The following LPIN1 variants were observed in gnomAD, a reference collection of about 807,000 sequenced individuals.
The protein encoded by LPIN1 is lipin 1, also known as phosphatidate phosphatase LPIN1.
In LPIN1, 71 loss-of-function variants were observed where a neutral mutation model predicts 107.5. The observed-to-expected ratio is 0.66, with a 90% CI of 0.55 to 0.80. The LOEUF (loss-of-function observed/expected upper bound fraction) is 0.80. Ranked by LOEUF, LPIN1 falls within the 30% of genes least tolerant of loss-of-function variation. The pLI is 0.00. For synonymous variants in LPIN1, 445 were observed against 452.6 expected, an observed-to-expected ratio of 0.98 and a Z score of 0.21; for missense variants, 1,043 against 1,160.6, an observed-to-expected ratio of 0.90 and a Z score of 1.47.
At chr2:11,724,233 T>G, upstream of LPIN1, 1 of 650,012 alleles carries the variant, frequency 1.5e-6, no homozygotes, top group Non-Finnish European at 1.9e-6. Context: ...CTTCATCTCT[T>G]TCTCTCCTCC....
intron 14 of LPIN1, among the ~76,000 whole-genome samples, chr2:11,800,045 G>A (rs11690125): frequency 0.099 from 15,091 of 152,194 alleles, 914 homozygotes; most frequent in Middle Eastern, 0.15. Flanking sequence ...TTCCCATGGC[G>A]TATTCCCCCA....
intron 3 of LPIN1, among the ~76,000 whole-genome samples, chr2:11,768,374 A>G (rs193099823): frequency 6.6e-6 from 1 of 152,310 alleles, no homozygotes; most frequent in African/African-American, 2.4e-5. Context: ...AAGAAACACC[A>G]TACCCTTTAG....
chr2:11,754,856 C>A (rs1572589624), intron 1 of LPIN1, among the ~76,000 whole-genome samples: 1 of 152,176 alleles, frequency 6.6e-6, no homozygotes, highest in Non-Finnish European at 1.5e-5. Flanking sequence ...TTCAGTCTTA[C>A]CCTTAGGTGT....
chr2:11,684,525 G>T (rs1002694648), intron 1 of LPIN1, among the ~76,000 whole-genome samples: 4 of 152,202 alleles, frequency 2.6e-5, no homozygotes, highest in Non-Finnish European at 4.4e-5. Context: ...CTGGAGGGTG[G>T]TTGGCATGGA....
chr2:11,772,891 A>T (rs532752355), intron 4 of LPIN1, among the ~76,000 whole-genome samples: 1 of 151,582 alleles, frequency 6.6e-6, no homozygotes, highest in Non-Finnish European at 1.5e-5. Flanking sequence ...GTGAAAAATA[A>T]ATGTCAACTG....
At chr2:11,801,417 C>G (rs1677709745) in intron 14 of LPIN1, among the ~76,000 whole-genome samples, 1 of 152,104 alleles carries the variant, frequency 6.6e-6, no homozygotes, top group Non-Finnish European at 1.5e-5. Flanking sequence ...GAGTACTATT[C>G]AGACATAAAA....
chr2:11,782,994 T>C (rs1178336030), intron 8 of LPIN1, among the ~76,000 whole-genome samples: 1 of 152,232 alleles, frequency 6.6e-6, no homozygotes. Flanking sequence ...CAAGAGTCTT[T>C]TCTATCTAAC....
intron 20 of LPIN1, among the ~76,000 whole-genome samples, chr2:11,820,981 G>A (rs1681409778): frequency 6.6e-6 from 1 of 152,194 alleles, no homozygotes; most frequent in Admixed American, 6.5e-5. Context: ...GTTTTTCTGA[G>A]TCGGTGGGCT....
At chr2:11,712,322 A>G (rs1663469919) in intron 1 of LPIN1, among the ~76,000 whole-genome samples, 1 of 152,136 alleles carries the variant, frequency 6.6e-6, no homozygotes, top group African/African-American at 2.4e-5. Context: ...AGGCAGTTCA[A>G]CTGTCCCCTC....
intron 2 of LPIN1, among the ~76,000 whole-genome samples, chr2:11,767,062 A>G (rs1368603212): frequency 1.3e-5 from 2 of 152,180 alleles, no homozygotes; most frequent in African/African-American, 4.8e-5. Context: ...AAGGTTCTGG[A>G]AGAGCAGGTA....
At chr2:11,706,241 G>A (rs201205744) in intron 1 of LPIN1, among the ~76,000 whole-genome samples, 1 of 152,218 alleles carries the variant, frequency 6.6e-6, no homozygotes, top group East Asian at 1.9e-4. Context: ...GTTACAAAAA[G>A]AAGACTTCGG....
chr2:11,759,490 G>C (rs938289673), intron 1 of LPIN1, among the ~76,000 whole-genome samples: 5 of 151,534 alleles, frequency 3.3e-5, no homozygotes, highest in Admixed American at 2.6e-4. Context: ...ATGGAGCACC[G>C]GGTTGGGGGT....
At position 11,782,479 on chromosome 2, in the gene LPIN1, CAA is replaced by C. The variant is rs1673747823; in HGVS notation, c.1237_1238del (p.Lys413AspfsTer10). ...CTGCCAGTGTAGTCCAGACAGCAAACAAGACGGATTCTCCTTCCAGGAAAAGA... is the reference window on the plus strand; with the variant it reads ...CTGCCAGTGTAGTCCAGACAGCAAACGACGGATTCTCCTTCCAGGAAAAGA... Reference protein sequence around the residue: ...PSASVVQTANKTDSPSRKRDK... With the variant: ...PSASVVQTANXTDSPSRKRDK... On this transcript the variant is annotated frameshift_variant, in exon 8 of 21. Coordinates refer to ENST00000674199, the MANE Select transcript of LPIN1 (RefSeq NM_001349206.2). LOFTEE classifies it high-confidence loss of function. 1 of 1,614,156 alleles carries C rather than the reference CAA, an allele frequency of 6.2e-7. No individual in the cohort carries two copies. Among genetic ancestry groups the C allele is most frequent in the Non-Finnish European group, 8.5e-7 (1 of 1,180,036 alleles).
chr2:11,795,482 C>CT lies in LPIN1; in HGVS notation c.1881_1882insT (p.Thr628TyrfsTer6). On this transcript the variant is annotated frameshift_variant, in exon 14 of 21. Coordinates refer to ENST00000674199, the MANE Select transcript of LPIN1 (RefSeq NM_001349206.2). LOFTEE classifies it high-confidence loss of function. The stretch of plus-strand genomic sequence containing the variant: ...AGCAACCGCCGCAGCTCAGCTTGGC[C>CT]ACCAGGTGCGGTAGGAGGCTTCTTG... 1 of 1,614,056 alleles carries CT rather than the reference C, an allele frequency of 6.2e-7. No homozygotes were observed. The highest frequency in any genetic ancestry group is 8.5e-7 in the Non-Finnish European group (1 of 1,179,954).
chr2:11,781,330 T>G (rs903582084), intron 7 of LPIN1, among the ~76,000 whole-genome samples: 6 of 152,248 alleles, frequency 3.9e-5, no homozygotes, highest in African/African-American at 1.4e-4. Context: ...TGTCGTTAGT[T>G]GCTGGAGAAA....
chr2:11,746,873 C>T (rs1004924846), intron 1 of LPIN1, among the ~76,000 whole-genome samples: 8 of 152,274 alleles, frequency 5.3e-5, no homozygotes, highest in Admixed American at 2.0e-4. Context: ...GGGAAACAGG[C>T]CCCGGAGGCC....
rs551688677 is a variant in LPIN1 at position 11,783,957 on chromosome 2, A to G, written c.1358+35A>G. On this transcript the variant is annotated intron_variant, in intron 9 of 20. Transcript: ENST00000674199. ...CTGTTAATTCCTCACATCATTTCCTATAATCTGAATATCATTCTGTGTGAG... is the reference window on the plus strand; with the variant it reads ...CTGTTAATTCCTCACATCATTTCCTGTAATCTGAATATCATTCTGTGTGAG... The G allele has an allele frequency of 6.2e-6, 10 of 1,613,502 alleles. No homozygotes were observed. The South Asian group carries it at 8.8e-5, about 14-fold the overall frequency.
At chr2:11,701,246 G>T (rs1051839896) in intron 1 of LPIN1, among the ~76,000 whole-genome samples, 1 of 152,122 alleles carries the variant, frequency 6.6e-6, no homozygotes, top group Non-Finnish European at 1.5e-5. Context: ...CATGCAGCAC[G>T]CATCATGTTG....
upstream of LPIN1, among the ~76,000 whole-genome samples, chr2:11,720,926 T>C (rs529113656): frequency 5.3e-5 from 8 of 152,016 alleles, no homozygotes; most frequent in Admixed American, 5.2e-4. Flanking sequence ...GACTGAGTAA[T>C]GTTAGGACAG....
Sources: gnomAD v4.1 joint callset for allele counts (sites outside exome capture counted in the v4.1 genomes callset) on GRCh38, gnomAD v4.1.1 for gene constraint, MANE v1.5 for transcripts, NCBI Gene and HGNC (gene_info 2026-07-23, HGNC 2026-07-21) for gene names.